The following KLK9 variants were observed in gnomAD, a reference collection of about 807,000 sequenced individuals.
KLK9 encodes kallikrein-9.
Under a neutral mutation model 23.3 loss-of-function variants are expected in KLK9, and 26 were observed. That is an observed-to-expected ratio of 1.12 (90% confidence interval 0.82 to 1.55). The LOEUF is 1.55. Among genes scored for constraint, KLK9 ranks in the 40% most tolerant of loss-of-function variants. KLK9 has a pLI of 0.00. For missense variants in KLK9, 346 were observed against 333.7 expected (o/e 1.04, Z -0.29); for synonymous variants, 122 against 128.5 (o/e 0.95, Z 0.34).
chr19:51,009,580 C>T lies in KLK9; in HGVS notation c.-33G>A. The T allele has an allele frequency of 1.2e-6, 2 of 1,605,888 alleles. No individual in the cohort carries two copies. Among genetic ancestry groups the T allele is most frequent in the South Asian group, 1.1e-5 (1 of 89,418 alleles). On this transcript the variant is annotated 5_prime_UTR_variant, in exon 1 of 5. It adds an upstream start codon to the 5' untranslated region. Transcript: ENST00000594211. The surrounding 1 kb of genome is among the most constrained non-coding windows in gnomAD (Gnocchi z 4.8). ...GGGCACCTGGATCCTGGAACGTGCA[C>T]CCGGCGTCCAGTGCTTCTTTATGGT...
At chr19:51,005,728 A>G (rs113915632) in intron 3 of KLK9, among the ~76,000 whole-genome samples, 7,431 of 151,336 alleles carry the variant, frequency 0.049, 347 homozygotes, top group Middle Eastern at 0.072. Flanking sequence ...GGATCAAAAA[A>G]CTCCAGGATT....
In KLK9 at chr19:51,006,754, G is replaced by C; in HGVS notation, c.201-31C>G. The stretch of plus-strand genomic sequence containing the variant: ...GGGACAGGCCTCAGAGGTCAAGCTG[G>C]GGGAAAGGTAAAAGTCCTTTCAGCC... On this transcript the variant is annotated intron_variant, in intron 2 of 4. Coordinates refer to ENST00000594211, the MANE Select transcript of KLK9 (RefSeq NM_012315.2). The surrounding 1 kb of genome is among the most constrained non-coding windows in gnomAD (Gnocchi z 4.1). 2.0e-6 allele frequency: 3 copies of C among 1,532,802 alleles called. No individual in the cohort carries two copies. The highest frequency in any genetic ancestry group is 2.6e-6 in the Non-Finnish European group (3 of 1,139,234). 95.0% of individuals were successfully genotyped at this position (1,532,802 alleles called of 1,614,324 possible). A position where few individuals can be genotyped will look rare whatever the true frequency, so the allele number is the denominator to read the frequency against.
At chr19:51,007,216 G>A (rs2091259226) in intron 2 of KLK9, among the ~76,000 whole-genome samples, 1 of 151,848 alleles carries the variant, frequency 6.6e-6, no homozygotes, top group Admixed American at 6.6e-5. Flanking sequence ...CCCCAAATTG[G>A]GGGTCATCTC....
chr19:51,005,914 C>T (rs1053016654), intron 3 of KLK9, among the ~76,000 whole-genome samples: 1 of 149,258 alleles, frequency 6.7e-6, no homozygotes, highest in Non-Finnish European at 1.5e-5. Context: ...TCTGTCTCTA[C>T]TAAAAATACA....
chr19:51,006,504 G>T lies in KLK9; in HGVS notation c.420C>A (p.Gly140=), dbSNP rs774564465. ...CCCAGCCTGAGATGAGACACTGCAT[G>T]CCTGGGGAGACACAGGTCTGGCTGA... ...LNLSQTCVSP[G]MQCLISGWGA... is the part of the protein sequence containing the mutation. Residue 140 remains glycine (G), a synonymous_variant, in exon 3 of 5, where the codon GGC becomes GGA. Transcript: ENST00000594211. The surrounding 1 kb of genome is among the most constrained non-coding windows in gnomAD (Gnocchi z 4.1). 6.2e-7 allele frequency: 1 copy of T among 1,613,112 alleles called. No individual in the cohort carries two copies.
Position 51,006,743 on chromosome 19 carries a change from A to G in KLK9, c.201-20T>C. The G allele has an allele frequency of 6.5e-7, 1 of 1,543,542 alleles. No individual in the cohort carries two copies. The highest frequency in any genetic ancestry group is 8.7e-7 in the Non-Finnish European group (1 of 1,143,984). On this transcript the variant is annotated intron_variant, in intron 2 of 4. Transcript: ENST00000594211. The surrounding 1 kb of genome is among the most constrained non-coding windows in gnomAD (Gnocchi z 4.1). ...AGATACCTGCTGGGACAGGCCTCAGAGGTCAAGCTGGGGGAAAGGTAAAAG... is the reference window on the plus strand; with the variant it reads ...AGATACCTGCTGGGACAGGCCTCAGGGGTCAAGCTGGGGGAAAGGTAAAAG...
At chr19:51,004,748 G>A (rs1171533334) in intron 3 of KLK9, among the ~76,000 whole-genome samples, 2 of 151,846 alleles carry the variant, frequency 1.3e-5, no homozygotes, top group African/African-American at 4.8e-5. Flanking sequence ...GACCTCAAGG[G>A]GTGGAATGAA....
At position 51,009,322 on chromosome 19, in the gene KLK9, T is replaced by G. The variant is rs1380743748; in HGVS notation, c.61A>C (p.Thr21Pro). The G allele has an allele frequency of 1.3e-6, 2 of 1,588,032 alleles. No individual in the cohort carries two copies. The highest frequency in any genetic ancestry group is 3.5e-5 in the Admixed American group (2 of 57,130). Residue 21 changes from threonine to proline, a missense_variant, in exon 2 of 5, where the codon ACC becomes CCC. Thr to Pro is a conservative substitution (Grantham distance 38, BLOSUM62 -1). Coordinates refer to ENST00000594211, the MANE Select transcript of KLK9 (RefSeq NM_012315.2). This position sits in a 1 kb window ranked among gnomAD's most constrained non-coding sequence, Gnocchi z 4.8. ...SLLAGHGWAD[T>P]RAIGAEECRP... ...CATTCCTCGGCCCCGATGGCACGGGTGTCTGCCCAGCCATGCCCTGGGGTG... is the reference window on the plus strand; with the variant it reads ...CATTCCTCGGCCCCGATGGCACGGGGGTCTGCCCAGCCATGCCCTGGGGTG...
chr19:51,008,337 C>CAAAAA (rs34275672), intron 2 of KLK9, among the ~76,000 whole-genome samples: 44 of 71,692 alleles, frequency 6.1e-4, no homozygotes, highest in African/African-American at 1.6e-3. Context: ...GACTCTGTCT[C>CAAAAA]AAAAAAAAAA....
Position 51,003,116 on chromosome 19 carries a change from T to TC in KLK9, c.747dup (p.Asn250GlufsTer26). ...TGCCCCCGTGGCGCGCGGGCTCAGT[T>TC]CTCCATGATTTCTTGGATCCAGTCA... On this transcript the variant is annotated frameshift_variant, in exon 5 of 5. Coordinates refer to ENST00000594211, the MANE Select transcript of KLK9 (RefSeq NM_012315.2). LOFTEE classifies it high-confidence loss of function. The TC allele has an allele frequency of 6.2e-7, 1 of 1,608,316 alleles. No individual in the cohort carries two copies. Among genetic ancestry groups the TC allele is most frequent in the African/African-American group, 1.3e-5 (1 of 74,884 alleles).
Position 51,009,525 on chromosome 19 carries a change from G to T in KLK9, c.23C>A (p.Ala8Asp). The T allele has an allele frequency of 6.2e-7, 1 of 1,613,016 alleles. No individual in the cohort carries two copies. The highest frequency in any genetic ancestry group is 1.3e-5 in the African/African-American group (1 of 75,040). ...CTCACCTGCCAGCAGAGAGAGCAGA[G>T]CACAGAGGAGTCCCAGCTTCATGAC... MKLGLLCALLSLLAGHGW... is the reference protein window; with the variant it reads MKLGLLCDLLSLLAGHGW... The change falls in exon 1 of 5, where the codon GCT becomes GAT. Residue 8 changes from alanine to aspartate, a missense_variant. Transcript: ENST00000594211. This position sits in a 1 kb window ranked among gnomAD's most constrained non-coding sequence, Gnocchi z 4.8.
At chr19:51,008,572 T>C (rs1242833590) in intron 2 of KLK9, among the ~76,000 whole-genome samples, 1 of 152,180 alleles carries the variant, frequency 6.6e-6, no homozygotes, top group Non-Finnish European at 1.5e-5. Context: ...TTATGGCTAT[T>C]GAACACTTGA....
At chr19:51,003,674 A>G (rs549633987) in intron 4 of KLK9, 30 bp downstream of exon 4, 1 of 1,590,842 alleles carries the variant, frequency 6.3e-7, no homozygotes, top group East Asian at 2.2e-5. Context: ...TTGGCAGGAC[A>G]GCCTCATTTT....
At chr19:51,003,668 C>T in intron 4 of KLK9, 36 bp downstream of exon 4, 2 of 1,580,452 alleles carry the variant, frequency 1.3e-6, no homozygotes, top group Non-Finnish European at 1.7e-6. Context: ...GAAAACTTGG[C>T]AGGACAGCCT....
rs1315437999 is a variant in KLK9 at position 51,006,139 on chromosome 19, A to AACAG, written c.466+318_466+319insCTGT. ...ACCCTGTCTCAAAAACAAACAAACA[A>AACAG]ACAAACAAACAAACACTCTGAAATT... On this transcript the variant is annotated intron_variant, in intron 3 of 4. Coordinates refer to ENST00000594211, the MANE Select transcript of KLK9 (RefSeq NM_012315.2). This position sits in a 1 kb window ranked among gnomAD's most constrained non-coding sequence, Gnocchi z 4.1. 2.0e-5 allele frequency among the ~76,000 whole-genome samples: 3 copies of AACAG among 151,362 alleles called. No homozygotes were observed. Among genetic ancestry groups the AACAG allele is most frequent in the Non-Finnish European group, 3.0e-5 (2 of 67,778 alleles).
Position 51,003,189 on chromosome 19 carries a change from G to C in KLK9, c.675C>G (p.Cys225Trp). Residue 225 changes from cysteine (C) to tryptophan (W), a missense_variant, in exon 5 of 5, where the codon TGC becomes TGG. Coordinates refer to ENST00000594211, the MANE Select transcript of KLK9 (RefSeq NM_012315.2). ...AGVVSGGAEP[C>W]SRPRRPAVYT... ...AGACTGCGGGGCGCCGGGGTCTGGA[G>C]CAGGGCTCAGCACCCCCAGACACCA... 6.3e-7 allele frequency: 1 copy of C among 1,589,790 alleles called. No homozygotes were observed. The highest frequency in any genetic ancestry group is 8.6e-7 in the Non-Finnish European group (1 of 1,167,790).
Position 51,009,416 on chromosome 19 carries a change from G to T in KLK9, c.44-77C>A. On this transcript the variant is annotated intron_variant, in intron 1 of 4. Transcript: ENST00000594211. The surrounding 1 kb of genome is among the most constrained non-coding windows in gnomAD (Gnocchi z 4.8). The stretch of plus-strand genomic sequence containing the variant: ...CAGGGAGAGGATGCTGAGAAGCCTA[G>T]AGGGCAGGAGGCAGAAGCCTGGGAT... The T allele has an allele frequency of 6.5e-7, 1 of 1,550,126 alleles. No individual in the cohort carries two copies. Among genetic ancestry groups the T allele is most frequent in the Non-Finnish European group, 8.7e-7 (1 of 1,146,718 alleles).
In KLK9 at chr19:51,009,394, G is replaced by A. The variant is rs1301942579; in HGVS notation, c.44-55C>T. The A allele has an allele frequency of 1.3e-6, 2 of 1,544,784 alleles. No individual in the cohort carries two copies. The highest frequency in any genetic ancestry group is 1.7e-6 in the Non-Finnish European group (2 of 1,143,834). On this transcript the variant is annotated intron_variant, in intron 1 of 4. Transcript: ENST00000594211. The surrounding 1 kb of genome is among the most constrained non-coding windows in gnomAD (Gnocchi z 4.8). ...AGCGAAGAGCAGGCTGGGAGGGCAGGGAGAGGATGCTGAGAAGCCTAGAGG... is the reference window on the plus strand; with the variant it reads ...AGCGAAGAGCAGGCTGGGAGGGCAGAGAGAGGATGCTGAGAAGCCTAGAGG...
rs768387805 is a variant in KLK9, at chr19:51,003,177, C to T, written c.687G>A (p.Arg229=). 5 of 1,612,898 alleles carry T rather than the reference C, an allele frequency of 3.1e-6. No homozygotes were observed. In the African/African-American group the frequency reaches 6.7e-5, roughly 22 times the overall value. ...ATACGCTGGTGTAGACTGCGGGGCG[C>T]CGGGGTCTGGAGCAGGGCTCAGCAC... is the stretch of plus-strand genomic sequence containing the variant. The part of the protein sequence containing the change: ...SGGAEPCSRP[R]RPAVYTSVCH... Residue 229 remains arginine, a synonymous_variant, in exon 5 of 5, where the codon CGG becomes CGA. Transcript: ENST00000594211.
Sources: gnomAD v4.1 joint callset for allele counts (sites outside exome capture counted in the v4.1 genomes callset) on GRCh38, gnomAD v4.1.1 for gene constraint, Gnocchi (gnomAD v3.1) non-coding constraint, MANE v1.5 for transcripts, NCBI Gene and HGNC (gene_info 2026-07-23, HGNC 2026-07-21) for gene names.